Variants in ZNF423 observed in about 807,000 individuals in gnomAD.
The protein encoded by ZNF423 is zinc finger protein 423, also known as Ebf-associated zinc finger protein.
In ZNF423, 12 loss-of-function variants were observed where a neutral mutation model predicts 95.8. The ratio of observed to expected loss-of-function variants is 0.13; its 90% CI spans 0.08 to 0.20. The LOEUF (loss-of-function observed/expected upper bound fraction) is 0.20, where lower values mean the gene tolerates loss of function less well. Among genes scored for constraint, ZNF423 ranks in the 10% least tolerant of loss-of-function variants. ZNF423 has a pLI of 1.00. For synonymous variants in ZNF423, 749 were observed against 711.9 expected, an observed-to-expected ratio of 1.05 and a Z score of -0.83; for missense variants, 1,316 against 1,737.1, an observed-to-expected ratio of 0.76 and a Z score of 4.31.
At chr16:49,792,585 T>G (rs2034433655) in intron 1 of ZNF423, among the ~76,000 whole-genome samples, 1 of 152,196 alleles carries the variant, frequency 6.6e-6, no homozygotes, top group Admixed American at 6.5e-5. Context: ...GAGGGATCTG[T>G]GGGTCACCTT....
chr16:49,559,406 C>T (rs1969946295), intron 5 of ZNF423, among the ~76,000 whole-genome samples: 1 of 152,188 alleles, frequency 6.6e-6, no homozygotes, highest in Non-Finnish European at 1.5e-5. Context: ...CGAGAGATTT[C>T]CCCTAATCTT....
chr16:49,746,233 C>T (rs558062241), intron 2 of ZNF423, among the ~76,000 whole-genome samples: 7 of 152,200 alleles, frequency 4.6e-5, no homozygotes, highest in South Asian at 2.1e-4. Context: ...TTTCCTGCAC[C>T]GTTAAAGGAA....
chr16:49,729,596 A>G (rs2033109614), intron 3 of ZNF423, among the ~76,000 whole-genome samples: 1 of 151,600 alleles, frequency 6.6e-6, no homozygotes, highest in African/African-American at 2.4e-5. Flanking sequence ...GGTTTGGATT[A>G]CTGGGCCCCA....
At chr16:49,701,939 T>C (rs2032195992) in intron 3 of ZNF423, among the ~76,000 whole-genome samples, 3 of 152,208 alleles carry the variant, frequency 2.0e-5, no homozygotes, top group Admixed American at 2.0e-4. Context: ...TAATTTCCAG[T>C]TCCTCAGAAT....
At chr16:49,609,608 G>C (rs2151842084) in intron 5 of ZNF423, among the ~76,000 whole-genome samples, 1 of 152,006 alleles carries the variant, frequency 6.6e-6, no homozygotes, top group Non-Finnish European at 1.5e-5. Context: ...CCAATGAATA[G>C]GCCTAACAGC....
chr16:49,705,462 A>G (rs2032318502), intron 3 of ZNF423, among the ~76,000 whole-genome samples: 1 of 151,980 alleles, frequency 6.6e-6, no homozygotes, highest in Admixed American at 6.6e-5. Context: ...TGCCAAAATG[A>G]CTCTCTGGAT....
chr16:49,754,455 G>A (rs1266534246), intron 2 of ZNF423, among the ~76,000 whole-genome samples: 2 of 152,164 alleles, frequency 1.3e-5, no homozygotes, highest in Non-Finnish European at 2.9e-5. Flanking sequence ...GGATCAAGCT[G>A]CTTTGGAATG....
intron 1 of ZNF423, among the ~76,000 whole-genome samples, chr16:49,811,497 C>T (rs1027540553): frequency 6.6e-6 from 1 of 152,070 alleles, no homozygotes; most frequent in Non-Finnish European, 1.5e-5. Context: ...TCCAGGGAGG[C>T]CAGAGATCTG....
At chr16:49,831,094 G>C (rs184868602) in intron 1 of ZNF423, among the ~76,000 whole-genome samples, 1 of 152,146 alleles carries the variant, frequency 6.6e-6, no homozygotes, top group East Asian at 1.9e-4. Context: ...ACAACCTCAG[G>C]GTGTGAGGGG....
chr16:49,598,622 A>G (rs944014220), intron 5 of ZNF423, among the ~76,000 whole-genome samples: 11 of 152,234 alleles, frequency 7.2e-5, no homozygotes, highest in Admixed American at 7.2e-4. Flanking sequence ...ATTCCACTGT[A>G]CAGGAAACTG....
At chr16:49,702,896 C>T (rs2032229977) in intron 3 of ZNF423, among the ~76,000 whole-genome samples, 1 of 142,644 alleles carries the variant, frequency 7.0e-6, no homozygotes, top group South Asian at 2.2e-4. Context: ...AGCCAACCTG[C>T]CTGTGTGCAC....
At chr16:49,584,556 A>G (rs974182889) in intron 5 of ZNF423, among the ~76,000 whole-genome samples, 3 of 152,134 alleles carry the variant, frequency 2.0e-5, no homozygotes, top group African/African-American at 7.2e-5. Flanking sequence ...TAAGCAACAG[A>G]AATTTATCTT....
At chr16:49,810,700 A>G (rs1309262353) in intron 1 of ZNF423, among the ~76,000 whole-genome samples, 1 of 152,236 alleles carries the variant, frequency 6.6e-6, no homozygotes, top group African/African-American at 2.4e-5. Flanking sequence ...TTATAGGAAA[A>G]ATAAATAAAT....
intron 2 of ZNF423, among the ~76,000 whole-genome samples, chr16:49,759,075 C>T (rs2033778684): frequency 1.3e-5 from 2 of 152,134 alleles, no homozygotes; most frequent in Non-Finnish European, 2.9e-5. Context: ...TGCAATAAAA[C>T]CATATTTTTA....
chr16:49,828,755 G>A (rs764184899), intron 1 of ZNF423, among the ~76,000 whole-genome samples: 5 of 151,978 alleles, frequency 3.3e-5, no homozygotes, highest in Non-Finnish European at 5.9e-5. Context: ...CTACAGTCCC[G>A]CCCACGCACA....
chr16:49,744,500 C>T (rs541163862), intron 2 of ZNF423, among the ~76,000 whole-genome samples: 48 of 152,066 alleles, frequency 3.2e-4, no homozygotes, highest in East Asian at 7.7e-4. Flanking sequence ...CGAGGCCAGG[C>T]GGGGTGTCCC....
At chr16:49,842,366 C>CAGGA (rs779305459) in intron 1 of ZNF423, among the ~76,000 whole-genome samples, 8,743 of 64,872 alleles carry the variant, frequency 0.13, 913 homozygotes, top group East Asian at 0.17. Context: ...GGGAGAGAGA[C>CAGGA]AGGAAGGAAG....
At chr16:49,514,656 T>C (rs929907990) in intron 7 of ZNF423, among the ~76,000 whole-genome samples, 3 of 152,160 alleles carry the variant, frequency 2.0e-5, no homozygotes, top group Admixed American at 6.5e-5. Flanking sequence ...TAATCAATTG[T>C]AATCATTTAG....
chr16:49,518,790 C>T (rs1242677429), intron 7 of ZNF423, among the ~76,000 whole-genome samples: 3 of 152,208 alleles, frequency 2.0e-5, no homozygotes, highest in African/African-American at 7.2e-5. Flanking sequence ...GACAGTGGCT[C>T]ACGCCTGTAA....
Sources: allele counts gnomAD v4.1 joint callset (sites outside exome capture counted in the v4.1 genomes callset), GRCh38; gene constraint gnomAD v4.1.1; transcripts MANE v1.5; gene names NCBI Gene and HGNC (gene_info 2026-07-23, HGNC 2026-07-21).